The following PABPC1L variants were observed in gnomAD, a reference collection of about 807,000 sequenced individuals.
PABPC1L encodes the protein poly(A) binding protein cytoplasmic 1 like, also known as polyadenylate-binding protein 1-like.
Under a neutral mutation model 66.6 loss-of-function variants are expected in PABPC1L, and 31 were observed. The ratio of observed to expected loss-of-function variants is 0.47; its 90% CI spans 0.35 to 0.63. The LOEUF (loss-of-function observed/expected upper bound fraction) is 0.63. PABPC1L is among the 20% of genes least tolerant of loss of function. The probability of loss-of-function intolerance (pLI) is 0.00; values close to 1 mark genes in which losing one functional copy is unlikely to be tolerated. For synonymous variants in PABPC1L, 348 were observed against 335.1 expected (o/e 1.04, Z -0.42); for missense variants, 722 against 848.8 (o/e 0.85, Z 1.86).
At chr20:44,914,696 G>A (rs2066727059) in intron 2 of PABPC1L, among the ~76,000 whole-genome samples, 1 of 152,160 alleles carries the variant, frequency 6.6e-6, no homozygotes, top group South Asian at 2.1e-4. Context: ...TGTCTTTGAG[G>A]ATCAAAGGAA....
intron 8 of PABPC1L, 101 bp from the exon 9 acceptor site, chr20:44,932,241 A>G: frequency 1.2e-6 from 1 of 853,154 alleles, no homozygotes. Context: ...CAGTCCCTGC[A>G]GGAGCCAGTG....
chr20:44,938,053 C>T lies in PABPC1L; in HGVS notation c.1661-8C>T. On this transcript the variant is annotated splice_polypyrimidine_tract_variant and splice_region_variant and intron_variant, in intron 12 of 14. Transcript: ENST00000217073. Reference sequence around the variant, plus strand: ...CGTGCACAAGCCATTAGAAGGTGTTCCACACAGGGGAGCGTCTCTACCCCC... The same window carrying T: ...CGTGCACAAGCCATTAGAAGGTGTTTCACACAGGGGAGCGTCTCTACCCCC... 1 of 1,614,090 alleles carries T rather than the reference C, an allele frequency of 6.2e-7. No homozygotes were observed. Among genetic ancestry groups the T allele is most frequent in the Non-Finnish European group, 8.5e-7 (1 of 1,179,998 alleles).
chr20:44,918,721 TATA>T (rs1173329109), intron 3 of PABPC1L, among the ~76,000 whole-genome samples, 182 bp from the exon 4 acceptor site: 1 of 152,218 alleles, frequency 6.6e-6, no homozygotes, highest in Non-Finnish European at 1.5e-5. Flanking sequence ...TGGAACATAA[TATA>T]ATATCTTGGC....
rs756360490 is a variant in PABPC1L, at chr20:44,938,140, C to T, written c.1740C>T (p.Asp580=). The part of the protein sequence containing the change: ...GKITGMLLEI[D]NSELLLMLES... Reference sequence around the variant, plus strand: ...TCACGGGCATGCTGCTGGAGATTGACAACTCAGAGCTGTTGCTCATGCTGG... The same window carrying T: ...TCACGGGCATGCTGCTGGAGATTGATAACTCAGAGCTGTTGCTCATGCTGG... The change falls in exon 13 of 15, where the codon GAC becomes GAT. Residue 580 remains aspartate, a synonymous_variant. Coordinates refer to ENST00000217073, the MANE Select transcript of PABPC1L (RefSeq NM_001372179.1). 5.6e-6 allele frequency: 9 copies of T among 1,614,210 alleles called. No individual in the cohort carries two copies. In the Admixed American group the frequency reaches 1.2e-4, roughly 21 times the overall value.
chr20:44,938,845 TCC>T, intron 14 of PABPC1L, 97 bp downstream of exon 14: 1 of 1,226,634 alleles, frequency 8.2e-7, no homozygotes. Flanking sequence ...TGCGCCGTGT[TCC>T]TGGCTTTCTC....
chr20:44,922,212 T>C (rs866942974), intron 6 of PABPC1L, among the ~76,000 whole-genome samples: 1 of 152,218 alleles, frequency 6.6e-6, no homozygotes, highest in Non-Finnish European at 1.5e-5. Flanking sequence ...AATTTAAAAC[T>C]TCATTGGGAA....
Position 44,938,108 on chromosome 20 carries a change from G to A in PABPC1L, c.1708G>A (p.Gly570Ser). The change falls in exon 13 of 15, where the codon GGC (glycine) becomes AGC (serine). Residue 570 changes from glycine to serine, a missense_variant. By Grantham distance (56) the Gly-to-Ser change is moderately conservative. Around this residue, in one of 3 missense-constraint regions of PABPC1L, gnomAD observed 301 missense variants for 337.2 expected, o/e 0.89. Coordinates refer to ENST00000217073, the MANE Select transcript of PABPC1L (RefSeq NM_001372179.1). The stretch of plus-strand genomic sequence containing the variant: ...CCATGATGTCCACACCCAGCTGGCT[G>A]GCAAGATCACGGGCATGCTGCTGGA... The part of the protein sequence containing the change: ...LIHDVHTQLA[G>S]KITGMLLEID... 6.2e-7 allele frequency: 1 copy of A among 1,614,204 alleles called. No homozygotes were observed. Among genetic ancestry groups the A allele is most frequent in the Non-Finnish European group, 8.5e-7 (1 of 1,180,044 alleles).
At chr20:44,924,098 C>G in intron 6 of PABPC1L, 63 bp from the exon 7 acceptor site, 1 of 1,354,086 alleles carries the variant, frequency 7.4e-7, no homozygotes, top group South Asian at 1.2e-5. Flanking sequence ...GTTCCCTGAT[C>G]TCCCCAAGGC....
intron 2 of PABPC1L, among the ~76,000 whole-genome samples, chr20:44,913,962 T>C (rs2066721442): frequency 1.3e-5 from 2 of 152,196 alleles, no homozygotes; most frequent in Non-Finnish European, 2.9e-5. Context: ...TCAATAAATA[T>C]ATGTTGAGCC....
Position 44,910,242 on chromosome 20 carries a change from C to A in PABPC1L, c.99C>A (p.Pro33=). Residue 33 remains proline (P), a synonymous_variant, in exon 1 of 15, where the codon CCC becomes CCA. Coordinates refer to ENST00000217073, the MANE Select transcript of PABPC1L (RefSeq NM_001372179.1). ...CCATGCTCTATGAGAAGTTCTCTCC[C>A]GCCGGCCCCATCCTGTCCATCCGCG... is the stretch of plus-strand genomic sequence containing the variant. ...TEAMLYEKFS[P]AGPILSIRVC... 1 of 1,569,030 alleles carries A rather than the reference C, an allele frequency of 6.4e-7. No homozygotes were observed. The highest frequency in any genetic ancestry group is 2.4e-5 in the East Asian group (1 of 41,742).
rs757303274 is a variant in PABPC1L, at chr20:44,911,309, C to CA, written c.193+979dup. ...CGAAACCCTTTCTCTACTAAAAATA[C>CA]AAAAAATAGCTGGGCATGATGGCGG... On this transcript the variant is annotated intron_variant, in intron 1 of 14. Transcript: ENST00000217073. 2.5e-3 allele frequency among the ~76,000 whole-genome samples: 381 copies of CA among 152,058 alleles called. 2 individuals carry two copies. The highest frequency in any genetic ancestry group is 3.4e-3 in the Non-Finnish European group (231 of 67,966).
intron 5 of PABPC1L, among the ~76,000 whole-genome samples, chr20:44,919,625 G>A (rs2066759767): frequency 6.6e-6 from 1 of 152,194 alleles, no homozygotes; most frequent in South Asian, 2.1e-4. Context: ...GCTGAGGCAG[G>A]AGGACCCCTT....
rs1203620594 is a variant in PABPC1L at position 44,936,536 on chromosome 20, C to T, written c.1567-101C>T. 9 of 973,058 alleles carry T rather than the reference C, an allele frequency of 9.2e-6. No individual in the cohort carries two copies. The South Asian group carries it at 1.4e-4, about 15-fold the overall frequency. 60.3% of individuals were successfully genotyped at this position (973,058 alleles called of 1,614,324 possible). ...TCCAGACCTTGCCCTCTGTTCCCCT[C>T]CTCCAGTGCCTCCCTGGCCTTCTGC... is the stretch of plus-strand genomic sequence containing the variant. On this transcript the variant is annotated intron_variant, in intron 11 of 14. Transcript: ENST00000217073.
chr20:44,935,580 C>CT, intron 11 of PABPC1L, 83 bp downstream of exon 11: 1 of 1,107,470 alleles, frequency 9.0e-7, no homozygotes, highest in Non-Finnish European at 1.3e-6. Flanking sequence ...TGGGCCTTGG[C>CT]TTTTTTTCTT....
chr20:44,914,910 C>T (rs6130712), intron 2 of PABPC1L, among the ~76,000 whole-genome samples: 8,406 of 152,178 alleles, frequency 0.055, 463 homozygotes, highest in East Asian at 0.22. Flanking sequence ...TCTCATTTTC[C>T]CTCTGGGGCT....
At position 44,933,205 on chromosome 20, in the gene PABPC1L, A is replaced by G; in HGVS notation, c.1459+20A>G. 6.3e-7 allele frequency: 1 copy of G among 1,580,084 alleles called. No homozygotes were observed. The highest frequency in any genetic ancestry group is 8.6e-7 in the Non-Finnish European group (1 of 1,161,760). ...GAGTAGGTGAGTGTGGGTAGGGCCAAGGGGAATGGGGGTGGGGCAAAGTTG... is the reference window on the plus strand; with the variant it reads ...GAGTAGGTGAGTGTGGGTAGGGCCAGGGGGAATGGGGGTGGGGCAAAGTTG... On this transcript the variant is annotated intron_variant, in intron 10 of 14. Transcript: ENST00000217073.
At chr20:44,910,449 A>T in intron 1 of PABPC1L, 113 bp downstream of exon 1, 1 of 1,228,830 alleles carries the variant, frequency 8.1e-7, no homozygotes, top group Non-Finnish European at 1.1e-6. Context: ...AGCCGGGGAA[A>T]CTGAGGCTCA....
chr20:44,914,788 G>A (rs2066727513), intron 2 of PABPC1L, among the ~76,000 whole-genome samples: 1 of 152,162 alleles, frequency 6.6e-6, no homozygotes, highest in Admixed American at 6.5e-5. Context: ...TAGGTTTTCT[G>A]CATACATGTA....
intron 10 of PABPC1L, 144 bp downstream of exon 10, chr20:44,933,329 C>T: frequency 1.5e-6 from 1 of 661,738 alleles, no homozygotes; most frequent in South Asian, 1.8e-5. Context: ...GTTAGCTTGG[C>T]CTCCAGTTCC....
Sources: allele counts gnomAD v4.1 joint callset (sites outside exome capture counted in the v4.1 genomes callset), GRCh38; gene constraint gnomAD v4.1.1; regional missense constraint gnomAD v4.1.1; transcripts MANE v1.5; gene names NCBI Gene and HGNC (gene_info 2026-07-23, HGNC 2026-07-21).